The following BMPR1B variants were observed in gnomAD, a reference collection of about 807,000 sequenced individuals.
BMPR1B encodes the protein bone morphogenetic protein receptor type 1B, also known as bone morphogenetic protein receptor type-1B.
Under a neutral mutation model 59.1 loss-of-function variants are expected in BMPR1B, and 12 were observed. The observed-to-expected ratio is 0.20, with a 90% CI of 0.13 to 0.33. The LOEUF is 0.33. Among genes scored for constraint, BMPR1B ranks in the 10% least tolerant of loss-of-function variants. BMPR1B has a pLI of 1.00. For synonymous variants in BMPR1B, 237 were observed against 207.3 expected, an observed-to-expected ratio of 1.14 and a Z score of -1.23; for missense variants, 550 against 610.9, an observed-to-expected ratio of 0.90 and a Z score of 1.05.
chr4:95,065,087 C>T (rs139228406), intron 3 of BMPR1B, among the ~76,000 whole-genome samples: 209 of 152,078 alleles, frequency 1.4e-3, no homozygotes, highest in African/African-American at 4.1e-3. Flanking sequence ...TTCATAGCAG[C>T]GTTATAGGTA....
chr4:94,926,642 A>G (rs1728899633), intron 2 of BMPR1B, among the ~76,000 whole-genome samples: 1 of 152,098 alleles, frequency 6.6e-6, no homozygotes, highest in South Asian at 2.1e-4. Context: ...TTGGCTATAC[A>G]TTAGGTTGCA....
At chr4:94,875,633 A>G (rs1478938577) in intron 1 of BMPR1B, among the ~76,000 whole-genome samples, 198 bp from the exon 2 acceptor site, 4 of 152,270 alleles carry the variant, frequency 2.6e-5, no homozygotes, top group Non-Finnish European at 5.9e-5. Flanking sequence ...GCAGTGAGCC[A>G]AGATCGCGCC....
At chr4:95,117,206 G>T (rs1409554010) in intron 6 of BMPR1B, among the ~76,000 whole-genome samples, 2 of 152,070 alleles carry the variant, frequency 1.3e-5, no homozygotes, top group South Asian at 2.1e-4. Context: ...AATTTAAATG[G>T]CTAACTTTAG....
At chr4:94,915,766 A>G (rs1233195981) in intron 2 of BMPR1B, among the ~76,000 whole-genome samples, 1 of 152,184 alleles carries the variant, frequency 6.6e-6, no homozygotes, top group East Asian at 1.9e-4. Flanking sequence ...ATAATCACAA[A>G]AGCTTTAATA....
chr4:94,790,664 C>T (rs1344170221), intron 1 of BMPR1B, among the ~76,000 whole-genome samples: 1 of 152,144 alleles, frequency 6.6e-6, no homozygotes, highest in Non-Finnish European at 1.5e-5. Flanking sequence ...ATGCAAAGTT[C>T]TTGCTATATC....
intron 6 of BMPR1B, among the ~76,000 whole-genome samples, chr4:95,120,033 C>T (rs900019141): frequency 1.3e-5 from 2 of 152,244 alleles, no homozygotes; most frequent in East Asian, 1.9e-4. Context: ...CCCTCACCCC[C>T]GTTAATCCAC....
Position 94,775,243 on chromosome 4 carries a change from A to G in BMPR1B, c.-183+17175A>G, listed in dbSNP as rs143368484. 2.8e-3 allele frequency among the ~76,000 whole-genome samples: 432 copies of G among 152,304 alleles called. 1 individual carries two copies. Among genetic ancestry groups the G allele is most frequent in the African/African-American group, 9.8e-3 (408 of 41,568 alleles). On this transcript the variant is annotated intron_variant, in intron 1 of 12. Transcript: ENST00000515059. ...GTTCACTCTTGTTCTTTATTTTTAG[A>G]TGTCTTAAATGGCATTAGCACTCAG...
intron 11 of BMPR1B, among the ~76,000 whole-genome samples, chr4:95,150,781 G>T (rs900612984): frequency 2.0e-5 from 3 of 152,158 alleles, no homozygotes. Context: ...ATTGTTAGAG[G>T]TGTTGGAGTC....
At chr4:95,038,869 T>C (rs574595673) in intron 3 of BMPR1B, among the ~76,000 whole-genome samples, 1 of 152,294 alleles carries the variant, frequency 6.6e-6, no homozygotes, top group East Asian at 1.9e-4. Context: ...TTAATGGATC[T>C]TAAATCATCT....
intron 2 of BMPR1B, among the ~76,000 whole-genome samples, chr4:94,886,647 T>G (rs1727180950): frequency 6.6e-6 from 1 of 152,204 alleles, no homozygotes; most frequent in African/African-American, 2.4e-5. Context: ...GATATGAAAT[T>G]AATTTACCAC....
chr4:95,150,795 G>C (rs1288568993), intron 11 of BMPR1B, among the ~76,000 whole-genome samples: 1 of 152,162 alleles, frequency 6.6e-6, no homozygotes, highest in African/African-American at 2.4e-5. Context: ...TGGAGTCCCT[G>C]CTCTGTCCCA....
At chr4:94,880,685 C>T (rs1431104785) in intron 2 of BMPR1B, among the ~76,000 whole-genome samples, 1 of 144,936 alleles carries the variant, frequency 6.9e-6, no homozygotes, top group Non-Finnish European at 1.5e-5. Flanking sequence ...GTCACCCAGG[C>T]TGGAGTGCAG....
At chr4:95,093,153 G>C (rs185760558) in intron 3 of BMPR1B, among the ~76,000 whole-genome samples, 11 of 152,154 alleles carry the variant, frequency 7.2e-5, no homozygotes, top group Admixed American at 7.2e-4. Flanking sequence ...GCTTCAGTTT[G>C]ATGTTGCATA....
rs1450739487 is a variant in BMPR1B at position 94,838,695 on chromosome 4, C to G, written c.-182-37136C>G. Reference sequence around the variant, plus strand: ...CTAGCGGTCTATCAATTTTGTTGATCCTTTCAAAAAACCAGCTCCTGGATT... The same window carrying G: ...CTAGCGGTCTATCAATTTTGTTGATGCTTTCAAAAAACCAGCTCCTGGATT... On this transcript the variant is annotated intron_variant, in intron 1 of 12. Transcript: ENST00000515059. Among the ~76,000 whole-genome samples, 6 of 138,694 alleles carry G rather than the reference C, an allele frequency of 4.3e-5. 1 individual carries two copies. The highest frequency in any genetic ancestry group is 9.5e-5 in the Non-Finnish European group (6 of 63,238). The allele number at this position is 138,694 out of a possible 152,430, so 91.0% of individuals were successfully genotyped here.
intron 1 of BMPR1B, among the ~76,000 whole-genome samples, chr4:94,842,356 ATGTG>A (rs1725122180): frequency 6.6e-6 from 1 of 152,174 alleles, no homozygotes; most frequent in Non-Finnish European, 1.5e-5. Flanking sequence ...CACATATGTG[ATGTG>A]TAAAATAAGT....
At chr4:95,008,206 G>T (rs1305792830) in intron 3 of BMPR1B, among the ~76,000 whole-genome samples, 1 of 152,134 alleles carries the variant, frequency 6.6e-6, no homozygotes, top group African/African-American at 2.4e-5. Flanking sequence ...ATACTGTACG[G>T]GGAAAAGTGA....
At chr4:95,042,876 A>C (rs1461865970) in intron 3 of BMPR1B, among the ~76,000 whole-genome samples, 1 of 152,102 alleles carries the variant, frequency 6.6e-6, no homozygotes, top group East Asian at 1.9e-4. Context: ...TGTAATGATT[A>C]ACATAAAGAA....
In BMPR1B at chr4:95,158,044, C is replaced by G. The variant is rs1466652440; in HGVS notation, c.*3371C>G. The G allele has an allele frequency of 1.3e-5, 2 of 152,124 alleles. No homozygotes were observed. The highest frequency in any genetic ancestry group is 4.8e-5 in the African/African-American group (2 of 41,414). 9.4% of individuals were successfully genotyped at this position (152,124 alleles called of 1,614,324 possible). The stretch of plus-strand genomic sequence containing the variant: ...ATGTTGTTGGTCTGATCTGATTCTT[C>G]TTTGTTTGTGGGTGGAACGGCACTG... On this transcript the variant is annotated 3_prime_UTR_variant, in exon 13 of 13. Coordinates refer to ENST00000515059, the MANE Select transcript of BMPR1B (RefSeq NM_001203.3).
At chr4:94,968,640 G>T (rs557747149) in intron 2 of BMPR1B, among the ~76,000 whole-genome samples, 1 of 152,162 alleles carries the variant, frequency 6.6e-6, no homozygotes, top group East Asian at 1.9e-4. Context: ...CAAGGCAGGT[G>T]GCAGGAACAC....
Sources: allele counts gnomAD v4.1 joint callset (sites outside exome capture counted in the v4.1 genomes callset), GRCh38; gene constraint gnomAD v4.1.1; transcripts MANE v1.5; gene names NCBI Gene and HGNC (gene_info 2026-07-23, HGNC 2026-07-21).